Variants in CNTNAP2 observed in about 807,000 individuals in gnomAD.
The protein encoded by CNTNAP2 is contactin-associated protein-like 2.
A neutral mutation model predicts 155.2 loss-of-function variants in CNTNAP2; 98 were observed. The ratio of observed to expected loss-of-function variants is 0.63; its 90% CI spans 0.54 to 0.75. The LOEUF is 0.75. Ranked by LOEUF, CNTNAP2 falls within the 30% of genes least tolerant of loss-of-function variation. CNTNAP2 has a pLI of 0.00. For missense variants in CNTNAP2, 1,727 were observed against 1,688.1 expected (o/e 1.02, Z -0.40); for synonymous variants, 651 against 631.2 (o/e 1.03, Z -0.47).
chr7:146,674,469 T>C (rs1051351700), intron 1 of CNTNAP2, among the ~76,000 whole-genome samples: 1 of 151,568 alleles, frequency 6.6e-6, no homozygotes, highest in African/African-American at 2.4e-5. Flanking sequence ...TTTGATGGAC[T>C]TTAAACCTGC....
At chr7:147,180,575 T>G (rs1263353579) in intron 8 of CNTNAP2, among the ~76,000 whole-genome samples, 6 of 152,094 alleles carry the variant, frequency 3.9e-5, no homozygotes. Flanking sequence ...ATTTAACACC[T>G]GTACCAGATA....
intron 1 of CNTNAP2, among the ~76,000 whole-genome samples, chr7:146,658,139 T>G (rs1428020950): frequency 6.6e-6 from 1 of 152,210 alleles, no homozygotes; most frequent in African/African-American, 2.4e-5. Context: ...CTCTAACTTA[T>G]GGCTCAGACT....
chr7:148,416,082 G>C lies in CNTNAP2; in HGVS notation c.*466G>C, dbSNP rs1389068994. 2 of 172,934 alleles carry C rather than the reference G, an allele frequency of 1.2e-5. No individual in the cohort carries two copies. The highest frequency in any genetic ancestry group is 4.8e-5 in the African/African-American group (2 of 41,734). The allele number at this position is 172,934 out of a possible 1,614,324, so 10.7% of individuals were successfully genotyped here. ...TAGTCAACCTTAATGGGCTGTTACA[G>C]AAACTAGTTCGTGTTTATATACTAT... On this transcript the variant is annotated 3_prime_UTR_variant, in exon 24 of 24. Transcript: ENST00000361727.
intron 14 of CNTNAP2, among the ~76,000 whole-genome samples, chr7:147,949,463 T>A (rs1311901889): frequency 3.3e-4 from 47 of 144,138 alleles, no homozygotes; most frequent in South Asian, 1.3e-3. Flanking sequence ...TATATATTTT[T>A]TTTTTTTAGG....
At chr7:146,673,106 A>G (rs1800337273) in intron 1 of CNTNAP2, among the ~76,000 whole-genome samples, 1 of 152,116 alleles carries the variant, frequency 6.6e-6, no homozygotes, top group Admixed American at 6.6e-5. Flanking sequence ...TTAGTTCAGA[A>G]TCATAGATTC....
In CNTNAP2 at chr7:146,891,827, T is replaced by C. The variant is rs113855514; in HGVS notation, c.402+51923T>C. Among the ~76,000 whole-genome samples, 627 of 152,254 alleles carry C rather than the reference T, an allele frequency of 4.1e-3. 9 individuals are homozygous for C. Among genetic ancestry groups the C allele is most frequent in the African/African-American group, 0.014 (570 of 41,544 alleles). ...AAGAAACTACAATTTACCTATGAAGTTGGCACAAGAAATGGTATCCATTTT... is the reference window on the plus strand; with the variant it reads ...AAGAAACTACAATTTACCTATGAAGCTGGCACAAGAAATGGTATCCATTTT... On this transcript the variant is annotated intron_variant, in intron 3 of 23. Coordinates refer to ENST00000361727, the MANE Select transcript of CNTNAP2 (RefSeq NM_014141.6).
intron 3 of CNTNAP2, among the ~76,000 whole-genome samples, chr7:146,872,261 A>G (rs1229894054): frequency 6.6e-6 from 1 of 150,426 alleles, no homozygotes; most frequent in East Asian, 2.0e-4. Flanking sequence ...AAAAGTATAT[A>G]TAGACCACCC....
intron 6 of CNTNAP2, 31 bp from the exon 7 acceptor site, chr7:147,128,662 G>A: frequency 6.2e-7 from 1 of 1,613,182 alleles, no homozygotes; most frequent in Non-Finnish European, 8.5e-7. Flanking sequence ...ATACAATGTG[G>A]ACGTTTACAT....
chr7:147,116,631 C>A (rs1800996020), intron 5 of CNTNAP2, among the ~76,000 whole-genome samples: 1 of 152,030 alleles, frequency 6.6e-6, no homozygotes, highest in East Asian at 1.9e-4. Context: ...CCTCTGCCCC[C>A]ATCAGCTTGG....
chr7:147,744,861 AG>A lies in CNTNAP2; in HGVS notation c.2098+105557del, dbSNP rs1187035582. Among the ~76,000 whole-genome samples, 77 of 152,264 alleles carry A rather than the reference AG, an allele frequency of 5.1e-4. 1 individual carries two copies. Among genetic ancestry groups the A allele is most frequent in the Non-Finnish European group, 1.5e-5 (1 of 68,024 alleles). On this transcript the variant is annotated intron_variant, in intron 13 of 23. Coordinates refer to ENST00000361727, the MANE Select transcript of CNTNAP2 (RefSeq NM_014141.6). ...CATTTAACTGTAATTGCCTCCTTAA[AG>A]GCCCATCTCCAAATACAGACCTCCA...
At chr7:148,100,478 T>C (rs1031845403) in intron 15 of CNTNAP2, among the ~76,000 whole-genome samples, 41 of 152,228 alleles carry the variant, frequency 2.7e-4, no homozygotes, top group Non-Finnish European at 4.4e-4. Flanking sequence ...CATATCTTTG[T>C]ATCAGGCACA....
At chr7:146,388,234 C>T (rs1795488754) in intron 1 of CNTNAP2, among the ~76,000 whole-genome samples, 1 of 151,656 alleles carries the variant, frequency 6.6e-6, no homozygotes, top group South Asian at 2.1e-4. Context: ...AGTTTGAGAC[C>T]AGCCTGGGCA....
At chr7:146,953,722 C>A (rs1283548201) in intron 3 of CNTNAP2, among the ~76,000 whole-genome samples, 1 of 151,826 alleles carries the variant, frequency 6.6e-6, no homozygotes, top group Non-Finnish European at 1.5e-5. Context: ...TTCCCCATTT[C>A]TAGTAGAGTA....
At chr7:146,316,580 C>T (rs564939884) in intron 1 of CNTNAP2, among the ~76,000 whole-genome samples, 24 of 152,120 alleles carry the variant, frequency 1.6e-4, no homozygotes, top group African/African-American at 5.5e-4. Flanking sequence ...TAAGTCCACC[C>T]GTGGTGGGAG....
At chr7:146,157,631 T>A (rs1257915332) in intron 1 of CNTNAP2, among the ~76,000 whole-genome samples, 1 of 152,222 alleles carries the variant, frequency 6.6e-6, no homozygotes, top group African/African-American at 2.4e-5. Flanking sequence ...AGAGCCTCAC[T>A]CACTGCTAGC....
intron 1 of CNTNAP2, among the ~76,000 whole-genome samples, chr7:146,138,878 C>T (rs1486691903): frequency 6.7e-6 from 1 of 148,234 alleles, no homozygotes; most frequent in Non-Finnish European, 1.5e-5. Flanking sequence ...ATTCTGAGTA[C>T]TTTGGAACAT....
At chr7:146,702,057 G>A (rs962562935) in intron 1 of CNTNAP2, among the ~76,000 whole-genome samples, 1 of 152,136 alleles carries the variant, frequency 6.6e-6, no homozygotes, top group Non-Finnish European at 1.5e-5. Context: ...GCAAGCAAAT[G>A]CAAATCTTTT....
At chr7:148,203,788 T>C (rs1795404348) in intron 18 of CNTNAP2, among the ~76,000 whole-genome samples, 1 of 152,098 alleles carries the variant, frequency 6.6e-6, no homozygotes, top group African/African-American at 2.4e-5. Context: ...TTTCTAAGTC[T>C]GGTTTTCATA....
At chr7:147,188,040 G>A (rs965711237) in intron 8 of CNTNAP2, among the ~76,000 whole-genome samples, 1 of 152,132 alleles carries the variant, frequency 6.6e-6, no homozygotes, top group African/African-American at 2.4e-5. Context: ...CAGCCAGGGT[G>A]ACCAAGTGAG....
Sources: gnomAD v4.1 joint callset for allele counts (sites outside exome capture counted in the v4.1 genomes callset) on GRCh38, gnomAD v4.1.1 for gene constraint, MANE v1.5 for transcripts, NCBI Gene and HGNC (gene_info 2026-07-23, HGNC 2026-07-21) for gene names.